The following CWF19L1 variants were observed in gnomAD, a reference collection of about 807,000 sequenced individuals.
The protein encoded by CWF19L1 is CWF19-like protein 1.
A neutral mutation model predicts 69.7 loss-of-function variants in CWF19L1; 60 were observed. The ratio of observed to expected loss-of-function variants is 0.86; its 90% CI spans 0.70 to 1.07. CWF19L1 has a LOEUF of 1.07. Ranked by LOEUF, CWF19L1 falls within the 50% of genes least tolerant of loss-of-function variation. CWF19L1 has a pLI of 0.00. For missense variants in CWF19L1, 591 were observed against 638.9 expected, an observed-to-expected ratio of 0.92 and a Z score of 0.81; for synonymous variants, 209 against 222.2, an observed-to-expected ratio of 0.94 and a Z score of 0.53.
chr10:100,242,482 T>G (rs1479987757), intron 10 of CWF19L1, among the ~76,000 whole-genome samples: 2 of 152,214 alleles, frequency 1.3e-5, no homozygotes, highest in Non-Finnish European at 2.9e-5. Context: ...GAGACCAGCC[T>G]GGCCAGCAGG....
chr10:100,247,881 C>CA (rs1846881723), intron 7 of CWF19L1, among the ~76,000 whole-genome samples: 3 of 151,708 alleles, frequency 2.0e-5, no homozygotes, highest in Non-Finnish European at 4.4e-5. Context: ...GGGCAATAGA[C>CA]AGAGACTCCA....
intron 1 of CWF19L1, among the ~76,000 whole-genome samples, chr10:100,266,453 C>T (rs1386036386): frequency 6.6e-6 from 1 of 151,520 alleles, no homozygotes; most frequent in Non-Finnish European, 1.5e-5. Flanking sequence ...CCTCCGGAGT[C>T]GCTGGGATTA....
At chr10:100,233,980 C>T (rs1390937309) in intron 13 of CWF19L1, 1 of 152,208 alleles carries the variant, frequency 6.6e-6, no homozygotes, top group East Asian at 1.9e-4. Flanking sequence ...AACAGCAGCA[C>T]AAGCCCAATG....
At chr10:100,264,406 G>A (rs900869435) in intron 1 of CWF19L1, among the ~76,000 whole-genome samples, 12 of 152,110 alleles carry the variant, frequency 7.9e-5, no homozygotes, top group South Asian at 2.1e-4. Flanking sequence ...TTAGCCGGGC[G>A]TGGTGGCGGG....
chr10:100,265,132 A>C (rs1427057328), intron 1 of CWF19L1, among the ~76,000 whole-genome samples: 2 of 151,782 alleles, frequency 1.3e-5, no homozygotes, highest in Non-Finnish European at 2.9e-5. Context: ...AAAAAAAAAA[A>C]GTTTAAAAGG....
At chr10:100,260,938 A>T (rs767964323) in intron 3 of CWF19L1, 28 bp downstream of exon 3, 1 of 1,400,378 alleles carries the variant, frequency 7.1e-7, no homozygotes, top group Non-Finnish European at 9.9e-7. Context: ...ATTAGAAATC[A>T]TATGTTAAAT....
At chr10:100,258,551 T>G (rs1412428183) in intron 4 of CWF19L1, 1 of 152,224 alleles carries the variant, frequency 6.6e-6, no homozygotes, top group Non-Finnish European at 1.5e-5. Flanking sequence ...GTATCTGATA[T>G]GTGTAGTTAA....
intron 10 of CWF19L1, among the ~76,000 whole-genome samples, chr10:100,238,965 C>T (rs1399755398): frequency 6.7e-6 from 1 of 148,926 alleles, no homozygotes; most frequent in Non-Finnish European, 1.5e-5. Context: ...TGACCCCTTT[C>T]TGCCTCCCCA....
At chr10:100,244,074 G>C (rs1846724836) in intron 9 of CWF19L1, among the ~76,000 whole-genome samples, 1 of 152,148 alleles carries the variant, frequency 6.6e-6, no homozygotes, top group Non-Finnish European at 1.5e-5. Flanking sequence ...CACTGAACTG[G>C]GTGTCAGGAG....
At position 100,232,985 on chromosome 10, in the gene CWF19L1, A is replaced by G. The variant is rs1046589599; in HGVS notation, c.*242T>C. 3.5e-6 allele frequency: 1 copy of G among 286,226 alleles called. No homozygotes were observed. Among genetic ancestry groups the G allele is most frequent in the Non-Finnish European group, 6.5e-6 (1 of 154,840 alleles). 17.7% of individuals were successfully genotyped at this position (286,226 alleles called of 1,614,324 possible). A position where few individuals can be genotyped will look rare whatever the true frequency, so the allele number is the denominator to read the frequency against. Reference sequence around the variant, plus strand: ...ACAGGGAGACCCTCCTGTCTCTATAAAAAATCAAAAAAGTTTGCCAGGCAT... The same window carrying G: ...ACAGGGAGACCCTCCTGTCTCTATAGAAAATCAAAAAAGTTTGCCAGGCAT... On this transcript the variant is annotated 3_prime_UTR_variant, in exon 14 of 14. Coordinates refer to ENST00000354105, the MANE Select transcript of CWF19L1 (RefSeq NM_018294.6).
intron 6 of CWF19L1, among the ~76,000 whole-genome samples, chr10:100,250,947 C>CAA (rs60592071): frequency 0.014 from 1,568 of 112,590 alleles, 29 homozygotes; most frequent in African/African-American, 0.049. Context: ...GATCTTGTCT[C>CAA]AAAAAAAAAA....
At chr10:100,241,000 CTTTTTTTTTT>C (rs56262807) in intron 10 of CWF19L1, among the ~76,000 whole-genome samples, 2,502 of 70,516 alleles carry the variant, frequency 0.035, 29 homozygotes, top group African/African-American at 0.058. Flanking sequence ...CTAATTAAGC[CTTTTTTTTTT>C]TTTTTTTTTT....
At chr10:100,239,340 G>T (rs35670156) in intron 10 of CWF19L1, among the ~76,000 whole-genome samples, 11,464 of 152,128 alleles carry the variant, frequency 0.075, 581 homozygotes, top group African/African-American at 0.14. Flanking sequence ...ATATAGATAC[G>T]TTAGAAAACA....
At chr10:100,265,525 CT>C (rs35773155) in intron 1 of CWF19L1, among the ~76,000 whole-genome samples, 53,234 of 120,418 alleles carry the variant, frequency 0.44, 9,042 homozygotes, top group African/African-American at 0.52. Context: ...TTTTCTTTTT[CT>C]TTTTTTTTTT....
intron 3 of CWF19L1, among the ~76,000 whole-genome samples, chr10:100,260,671 C>T (rs1190965761): frequency 6.6e-6 from 1 of 151,914 alleles, no homozygotes; most frequent in African/African-American, 2.4e-5. Context: ...TACAGGCATG[C>T]GCCACCATGC....
intron 10 of CWF19L1, among the ~76,000 whole-genome samples, chr10:100,242,648 T>C (rs1846673697): frequency 7.0e-6 from 1 of 142,878 alleles, no homozygotes; most frequent in South Asian, 2.2e-4. Context: ...CACTCCAACC[T>C]GGGCAACAGA....
chr10:100,249,670 C>G (rs1365556290), intron 7 of CWF19L1, among the ~76,000 whole-genome samples: 1 of 152,090 alleles, frequency 6.6e-6, no homozygotes, highest in Admixed American at 6.6e-5. Flanking sequence ...CTGCAGTCTC[C>G]ACCTCCCACA....
intron 12 of CWF19L1, among the ~76,000 whole-genome samples, chr10:100,236,510 C>G (rs1284553500): frequency 6.6e-6 from 1 of 152,150 alleles, no homozygotes; most frequent in Non-Finnish European, 1.5e-5. Context: ...GCGTGGGTGG[C>G]TCATGCCTGT....
intron 6 of CWF19L1, among the ~76,000 whole-genome samples, chr10:100,252,240 C>G (rs1847060990): frequency 6.6e-6 from 1 of 152,094 alleles, no homozygotes; most frequent in Admixed American, 6.6e-5. Flanking sequence ...TCGAGACCAT[C>G]CTGGCTAACA....
Sources: gnomAD v4.1 joint callset for allele counts (sites outside exome capture counted in the v4.1 genomes callset) on GRCh38, gnomAD v4.1.1 for gene constraint, MANE v1.5 for transcripts, NCBI Gene and HGNC (gene_info 2026-07-23, HGNC 2026-07-21) for gene names.